Variants in UTRN observed in about 807,000 individuals in gnomAD.
UTRN encodes utrophin.
A neutral mutation model predicts 463.9 loss-of-function variants in UTRN; 283 were observed. The observed-to-expected ratio is 0.61, with a 90% confidence interval of 0.55 to 0.67. UTRN has a LOEUF of 0.67. UTRN is among the 30% of genes least tolerant of loss of function. The pLI is 0.00. For synonymous variants in UTRN, 1,442 were observed against 1,431.5 expected, an observed-to-expected ratio of 1.01 and a Z score of -0.17; for missense variants, 3,922 against 4,084.3, an observed-to-expected ratio of 0.96 and a Z score of 1.08.
chr6:144,615,488 T>G (rs994943974), intron 51 of UTRN, among the ~76,000 whole-genome samples: 1 of 152,154 alleles, frequency 6.6e-6, no homozygotes, highest in African/African-American at 2.4e-5. Flanking sequence ...AGTTTCTCTG[T>G]GCTCATATGA....
intron 2 of UTRN, among the ~76,000 whole-genome samples, chr6:144,334,317 G>T (rs565330361): frequency 8.6e-5 from 13 of 151,370 alleles, no homozygotes; most frequent in East Asian, 3.9e-4. Flanking sequence ...TGTGTGTTTG[G>T]GGGGGGTGGG....
chr6:144,494,227 G>C (rs1295572497), intron 33 of UTRN, among the ~76,000 whole-genome samples: 1 of 152,112 alleles, frequency 6.6e-6, no homozygotes, highest in Non-Finnish European at 1.5e-5. Flanking sequence ...TCTGGAGTTT[G>C]TTCCTTCTGA....
chr6:144,439,900 G>C (rs1047103504), intron 12 of UTRN, among the ~76,000 whole-genome samples: 1 of 152,064 alleles, frequency 6.6e-6, no homozygotes, highest in African/African-American at 2.4e-5. Flanking sequence ...TGCTTTATTG[G>C]GTAGCTAATC....
chr6:144,444,170 A>G (rs1787435884), intron 13 of UTRN, 111 bp from the exon 14 acceptor site: 15 of 838,152 alleles, frequency 1.8e-5, no homozygotes, highest in South Asian at 1.1e-4. Flanking sequence ...AATACTTTTT[A>G]TAAGTTGTTA....
intron 51 of UTRN, among the ~76,000 whole-genome samples, chr6:144,646,607 T>C (rs941754410): frequency 1.3e-5 from 2 of 152,190 alleles, no homozygotes; most frequent in East Asian, 1.9e-4. Context: ...CCAACATTCC[T>C]TTATTCCCTA....
chr6:144,495,101 A>C (rs939807213), intron 33 of UTRN, among the ~76,000 whole-genome samples: 3 of 152,188 alleles, frequency 2.0e-5, no homozygotes, highest in Admixed American at 2.0e-4. Context: ...TGGATCCCGC[A>C]CCCGGGCTGC....
intron 51 of UTRN, among the ~76,000 whole-genome samples, chr6:144,616,070 A>G (rs755781151): frequency 1.3e-5 from 2 of 152,118 alleles, no homozygotes; most frequent in Non-Finnish European, 2.9e-5. Flanking sequence ...ATCTTGAAAC[A>G]GTTTTCACTG....
chr6:144,639,081 TAA>T (rs1777503175), intron 51 of UTRN, among the ~76,000 whole-genome samples: 1 of 148,228 alleles, frequency 6.7e-6, no homozygotes, highest in African/African-American at 2.4e-5. Context: ...AAAAATAAAA[TAA>T]AATAATAAAA....
chr6:144,637,187 C>T (rs1037232013), intron 51 of UTRN, among the ~76,000 whole-genome samples: 5 of 152,098 alleles, frequency 3.3e-5, no homozygotes, highest in Non-Finnish European at 7.4e-5. Context: ...CCAGGCTGCT[C>T]CCAAACTCCT....
At chr6:144,625,675 T>C (rs1050357000) in intron 51 of UTRN, among the ~76,000 whole-genome samples, 2 of 152,216 alleles carry the variant, frequency 1.3e-5, no homozygotes, top group African/African-American at 4.8e-5. Context: ...TACTTATGAA[T>C]TGATTTGCTC....
At chr6:144,797,037 T>A (rs1469483493) in intron 63 of UTRN, among the ~76,000 whole-genome samples, 2 of 152,130 alleles carry the variant, frequency 1.3e-5, no homozygotes, top group Non-Finnish European at 2.9e-5. Context: ...TTCTGCAAAG[T>A]ACATCCATAG....
chr6:144,753,084 C>A (rs143026783), intron 56 of UTRN, among the ~76,000 whole-genome samples: 1 of 152,276 alleles, frequency 6.6e-6, no homozygotes, highest in Non-Finnish European at 1.5e-5. Flanking sequence ...ATTTAAATAG[C>A]TAGCCAGGAG....
chr6:144,533,216 A>C lies in UTRN; in HGVS notation c.6189A>C (p.Gln2063His), dbSNP rs773285979. The stretch of plus-strand genomic sequence containing the variant: ...AAGAAAAACTGGCAGGTTTAAACCA[A>C]CGCTGGGATGCAATTGTTGCAGAAG... The part of the protein sequence containing the change: ...FLKEKLAGLN[Q>H]RWDAIVAEVK... The change falls in exon 43 of 75, where the codon CAA (glutamine) becomes CAC (histidine). Residue 2063 changes from glutamine (Q) to histidine (H), a missense_variant. Coordinates refer to ENST00000367545, the MANE Select transcript of UTRN (RefSeq NM_007124.3). 1 of 1,614,154 alleles carries C rather than the reference A, an allele frequency of 6.2e-7. No individual in the cohort carries two copies.
intron 62 of UTRN, among the ~76,000 whole-genome samples, chr6:144,790,481 CA>C (rs1238959627): frequency 2.6e-5 from 4 of 152,094 alleles, no homozygotes; most frequent in African/African-American, 9.7e-5. Flanking sequence ...AGGTCTAGAC[CA>C]TGATGGCTTG....
At chr6:144,663,992 AT>A (rs1308085517) in intron 51 of UTRN, among the ~76,000 whole-genome samples, 41 of 152,234 alleles carry the variant, frequency 2.7e-4, no homozygotes, top group African/African-American at 9.4e-4. Context: ...TGGAGAAGAC[AT>A]TGATCTTATG....
intron 26 of UTRN, among the ~76,000 whole-genome samples, chr6:144,481,564 TC>T (rs756615222): frequency 1.3e-5 from 2 of 152,246 alleles, no homozygotes; most frequent in African/African-American, 2.4e-5. Context: ...CACAGTGTAA[TC>T]TGCTCAGCCC....
At chr6:144,317,205 CGAAT>C (rs1169406088) in intron 2 of UTRN, among the ~76,000 whole-genome samples, 6 of 152,156 alleles carry the variant, frequency 3.9e-5, no homozygotes, top group Non-Finnish European at 7.4e-5. Flanking sequence ...AATAGGACAG[CGAAT>C]GATATGGAGG....
intron 58 of UTRN, 70 bp downstream of exon 58, chr6:144,758,059 T>G: frequency 7.3e-7 from 1 of 1,374,364 alleles, no homozygotes; most frequent in South Asian, 1.3e-5. Context: ...AAGAGGCTTC[T>G]CTCCCCATAA....
intron 2 of UTRN, among the ~76,000 whole-genome samples, chr6:144,399,244 A>T (rs934225799): frequency 4.4e-4 from 67 of 152,180 alleles, no homozygotes; most frequent in African/African-American, 1.5e-3. Context: ...TATTGTTTGA[A>T]TAAATGAATT....
Sources: gnomAD v4.1 joint callset for allele counts (sites outside exome capture counted in the v4.1 genomes callset) on GRCh38, gnomAD v4.1.1 for gene constraint, MANE v1.5 for transcripts, NCBI Gene and HGNC (gene_info 2026-07-23, HGNC 2026-07-21) for gene names.